The following TSPAN1 variants were observed in gnomAD, a reference collection of about 807,000 sequenced individuals.
TSPAN1 encodes tetraspanin-1.
TSPAN1 carries 23 observed loss-of-function variants against 26.9 expected under a neutral mutation model. The ratio of observed to expected loss-of-function variants is 0.85; its 90% CI spans 0.62 to 1.21. The LOEUF (loss-of-function observed/expected upper bound fraction) is 1.21. TSPAN1 is among the 50% of genes most tolerant of loss of function. TSPAN1 has a pLI of 0.00. For synonymous variants in TSPAN1, 115 were observed against 114.8 expected, an observed-to-expected ratio of 1.00 and a Z score of -0.01; for missense variants, 283 against 298.4, an observed-to-expected ratio of 0.95 and a Z score of 0.38.
chr1:46,189,823 G>T (rs78405727), downstream of TSPAN1: 41,604 of 1,612,978 alleles, frequency 0.026, 1,076 homozygotes, highest in African/African-American at 0.12. Context: ...AGGGGGAGGG[G>T]TTCTCCAGGG....
At position 46,185,914 on chromosome 1, in the gene TSPAN1, G is replaced by C; in HGVS notation, c.*381G>C. ...GTGAAATCAGCAGAGCCTCTGGGTG[G>C]ATGTGTAGAAGGCACTTCAAAATGC... On this transcript the variant is annotated 3_prime_UTR_variant, in exon 9 of 9. Transcript: ENST00000372003. 3.6e-6 allele frequency: 1 copy of C among 280,694 alleles called. No homozygotes were observed. Among genetic ancestry groups the C allele is most frequent in the South Asian group, 5.1e-5 (1 of 19,510 alleles). 17.4% of individuals were successfully genotyped at this position (280,694 alleles called of 1,614,324 possible).
chr1:46,184,485 A>AC, intron 4 of TSPAN1, 88 bp downstream of exon 4: 9 of 1,601,774 alleles, frequency 5.6e-6, no homozygotes, highest in East Asian at 2.2e-5. Flanking sequence ...CCTGCTTTGG[A>AC]CCCCCCTAGG....
the TSPAN1 span, chr1:46,194,771 C>CA: frequency 6.2e-7 from 1 of 1,613,496 alleles, no homozygotes; most frequent in South Asian, 1.1e-5. Context: ...TTCCCCACCC[C>CA]ACCCCATCTC....
chr1:46,184,141 A>G, intron 3 of TSPAN1, 50 bp from the exon 4 acceptor site: 1 of 1,592,486 alleles, frequency 6.3e-7, no homozygotes, highest in East Asian at 2.2e-5. Flanking sequence ...GTGTGGTAGT[A>G]AGCTACTTGC....
chr1:46,185,561 T>C lies in TSPAN1; in HGVS notation c.*28T>C, dbSNP rs1657412722. 3 of 1,613,294 alleles carry C rather than the reference T, an allele frequency of 1.9e-6. No homozygotes were observed. Among genetic ancestry groups the C allele is most frequent in the African/African-American group, 2.7e-5 (2 of 74,914 alleles). ...CCACTTCTGCCTCTGCCACTACTGC[T>C]GCCACATGGGAACTGTGAAGAGGCA... On this transcript the variant is annotated 3_prime_UTR_variant, in exon 9 of 9. Coordinates refer to ENST00000372003, the MANE Select transcript of TSPAN1 (RefSeq NM_005727.4).
chr1:46,179,689 T>TG (rs1038364469), intron 1 of TSPAN1, among the ~76,000 whole-genome samples: 1 of 152,042 alleles, frequency 6.6e-6, no homozygotes, highest in Non-Finnish European at 1.5e-5. Context: ...GCCTTGGAAC[T>TG]GGGGGTGGCT....
At chr1:46,195,667 C>A in the TSPAN1 span, 2 of 799,390 alleles carry the variant, frequency 2.5e-6, no homozygotes, top group Non-Finnish European at 4.3e-6. Context: ...TGAATTAATA[C>A]AAATGTTAAG....
At chr1:46,179,803 G>A (rs1338781671) in intron 1 of TSPAN1, among the ~76,000 whole-genome samples, 1 of 152,138 alleles carries the variant, frequency 6.6e-6, no homozygotes, top group Non-Finnish European at 1.5e-5. Context: ...TGGGGAAGGA[G>A]AGGAGATGGA....
At chr1:46,175,873 T>G (rs1256516971) in intron 1 of TSPAN1, 6 of 118,400 alleles carry the variant, frequency 5.1e-5, no homozygotes, top group South Asian at 1.8e-4. Flanking sequence ...CTGGCTCTGG[T>G]TTTTTTTTTT....
intron 2 of TSPAN1, 130 bp from the exon 3 acceptor site, chr1:46,180,969 AG>A: frequency 1.4e-6 from 1 of 719,254 alleles, no homozygotes; most frequent in East Asian, 2.7e-5. Flanking sequence ...GACCAGGTAC[AG>A]GAGAAGCTTG....
At chr1:46,179,968 TG>T (rs1454057554) in intron 1 of TSPAN1, among the ~76,000 whole-genome samples, 1 of 150,146 alleles carries the variant, frequency 6.7e-6, no homozygotes, top group African/African-American at 2.5e-5. Flanking sequence ...AGAGGGAGTG[TG>T]TGTGTGTGTG....
the TSPAN1 span, chr1:46,193,954 C>T: frequency 6.2e-7 from 1 of 1,612,212 alleles, no homozygotes; most frequent in Non-Finnish European, 8.5e-7. Context: ...TTAGCTCTTG[C>T]CTTATTCCCC....
chr1:46,175,842 A>G, intron 1 of TSPAN1: 2 of 445,838 alleles, frequency 4.5e-6, no homozygotes, highest in Non-Finnish European at 7.8e-6. Flanking sequence ...GCCTAAACAG[A>G]ACCAGGTAGG....
chr1:46,184,026 A>G (rs1280092832), intron 3 of TSPAN1, 165 bp from the exon 4 acceptor site: 2 of 695,502 alleles, frequency 2.9e-6, no homozygotes, highest in African/African-American at 1.8e-5. Context: ...CCCAGCTCCC[A>G]TTTTTCTGGC....
At position 46,185,870 on chromosome 1, in the gene TSPAN1, T is replaced by C. The variant is rs1302673339; in HGVS notation, c.*337T>C. On this transcript the variant is annotated 3_prime_UTR_variant, in exon 9 of 9. Transcript: ENST00000372003. ...TCTACTGGGGGATGAGAGAAAGGCA[T>C]TTTATAGCCTGGGCATAAGTGAAAT... is the stretch of plus-strand genomic sequence containing the variant. 5.5e-6 allele frequency: 2 copies of C among 364,586 alleles called. No individual in the cohort carries two copies. Among genetic ancestry groups the C allele is most frequent in the Non-Finnish European group, 1.0e-5 (2 of 199,672 alleles). The allele number at this position is 364,586 out of a possible 1,614,324, so 22.6% of individuals were successfully genotyped here. A position where few individuals can be genotyped will look rare whatever the true frequency, so the allele number is the denominator to read the frequency against.
At chr1:46,184,005 G>A in intron 3 of TSPAN1, 186 bp from the exon 4 acceptor site, 1 of 635,708 alleles carries the variant, frequency 1.6e-6, no homozygotes, top group Non-Finnish European at 2.8e-6. Context: ...CCTGGTCCTA[G>A]CTATGCATAT....
At chr1:46,193,776 C>T in the TSPAN1 span, 1 of 1,601,848 alleles carries the variant, frequency 6.2e-7, no homozygotes, top group Non-Finnish European at 8.5e-7. Context: ...TTTCTGCCCA[C>T]CTCAAGAGTT....
chr1:46,192,863 T>C, the TSPAN1 span: 1 of 1,613,226 alleles, frequency 6.2e-7, no homozygotes, highest in Non-Finnish European at 8.5e-7. Context: ...CCCTGCAGAC[T>C]GAGGGACCTC....
chr1:46,194,695 G>C, the TSPAN1 span: 7 of 1,614,252 alleles, frequency 4.3e-6, no homozygotes, highest in East Asian at 2.2e-5. Context: ...CCAGACACCA[G>C]TTTGGGGGCT....
Sources: gnomAD v4.1 joint callset for allele counts (sites outside exome capture counted in the v4.1 genomes callset) on GRCh38, gnomAD v4.1.1 for gene constraint, MANE v1.5 for transcripts, NCBI Gene and HGNC (gene_info 2026-07-23, HGNC 2026-07-21) for gene names.